The following COLQ variants were observed in gnomAD, a reference collection of about 807,000 sequenced individuals.
The protein encoded by COLQ is acetylcholinesterase collagenic tail peptide.
COLQ carries 48 observed loss-of-function variants against 69.0 expected under a neutral mutation model. That is an observed-to-expected ratio of 0.70 (90% CI 0.55 to 0.88). The LOEUF (loss-of-function observed/expected upper bound fraction) is 0.88. Among genes scored for constraint, COLQ ranks in the 40% least tolerant of loss-of-function variants. The probability of loss-of-function intolerance (pLI) is 0.00; values close to 1 mark genes in which losing one functional copy is unlikely to be tolerated. For synonymous variants in COLQ, 217 were observed against 211.2 expected, an observed-to-expected ratio of 1.03 and a Z score of -0.24; for missense variants, 618 against 594.6, an observed-to-expected ratio of 1.04 and a Z score of -0.41.
chr3:15,490,615 T>G (rs1484818497), intron 1 of COLQ, among the ~76,000 whole-genome samples: 1 of 152,270 alleles, frequency 6.6e-6, no homozygotes, highest in Non-Finnish European at 1.5e-5. Flanking sequence ...AGTGTCCCAC[T>G]GAGTGACTAT....
intron 1 of COLQ, among the ~76,000 whole-genome samples, chr3:15,510,781 T>C (rs1204815509): frequency 6.0e-5 from 1 of 16,638 alleles, no homozygotes; most frequent in East Asian, 2.3e-3. Flanking sequence ...GGGAGGGGAA[T>C]GGAGGGGAGG....
chr3:15,486,251 C>T (rs1442203343), intron 3 of COLQ, among the ~76,000 whole-genome samples: 1 of 152,168 alleles, frequency 6.6e-6, no homozygotes, highest in Non-Finnish European at 1.5e-5. Flanking sequence ...TGCAGATGAC[C>T]CACTCCGTTC....
intron 1 of COLQ, among the ~76,000 whole-genome samples, chr3:15,511,616 C>G (rs2062986016): frequency 6.6e-6 from 1 of 152,206 alleles, no homozygotes; most frequent in South Asian, 2.1e-4. Context: ...TGTTTTCCAC[C>G]ATGATGGTTC....
In COLQ at chr3:15,456,495, A is replaced by G. The variant is rs757815714; in HGVS notation, c.1039T>C (p.Tyr347His). Residue 347 changes from tyrosine (Y) to histidine (H), a missense_variant, in exon 14 of 17, where the codon TAC (tyrosine) becomes CAC (histidine). Tyr to His is a moderately conservative substitution (Grantham distance 83). Transcript: ENST00000383788. ...AGCCAGCCAAGGCTGTCCTTGAAGTACAGAGATCTCTGGTCTCTGCGGAAG... is the reference window on the plus strand; with the variant it reads ...AGCCAGCCAAGGCTGTCCTTGAAGTGCAGAGATCTCTGGTCTCTGCGGAAG... ...IAFRRDQRSL[Y>H]FKDSLGWLPI... The G allele has an allele frequency of 6.2e-6, 10 of 1,614,056 alleles. No individual in the cohort carries two copies. The highest frequency in any genetic ancestry group is 1.7e-5 in the Admixed American group (1 of 60,008).
intron 12 of COLQ, among the ~76,000 whole-genome samples, chr3:15,461,189 T>TCCCCG (rs549486422): frequency 1.4e-5 from 2 of 144,068 alleles, no homozygotes; most frequent in South Asian, 2.2e-4. Context: ...TTGCCTTTAT[T>TCCCCG]CCCCCCCCGA....
chr3:15,516,906 T>C (rs6442531), intron 1 of COLQ, among the ~76,000 whole-genome samples: 62,498 of 151,912 alleles, frequency 0.41, 13,846 homozygotes, highest in East Asian at 0.63. Context: ...CTTTGGGAGG[T>C]CAAGGCCAGC....
chr3:15,488,349 G>A (rs1250505045), intron 2 of COLQ, 42 bp from the exon 3 acceptor site: 1 of 1,557,534 alleles, frequency 6.4e-7, no homozygotes, highest in Non-Finnish European at 8.8e-7. Flanking sequence ...CAGGCGTAGG[G>A]GACAGAGGAA....
chr3:15,476,942 C>G (rs1379833643), intron 6 of COLQ, among the ~76,000 whole-genome samples, 184 bp downstream of exon 6: 1 of 152,262 alleles, frequency 6.6e-6, no homozygotes, highest in Non-Finnish European at 1.5e-5. Context: ...TTGCACTGAT[C>G]AAGGTCTTGC....
At chr3:15,451,886 T>G (rs1050314994) in intron 16 of COLQ, among the ~76,000 whole-genome samples, 173 bp from the exon 17 acceptor site, 1 of 152,186 alleles carries the variant, frequency 6.6e-6, no homozygotes, top group Non-Finnish European at 1.5e-5. Context: ...ATTTTTGCCT[T>G]GAGGTCTAGC....
chr3:15,491,784 G>A (rs1317742138), intron 1 of COLQ, among the ~76,000 whole-genome samples: 1 of 152,236 alleles, frequency 6.6e-6, no homozygotes, highest in South Asian at 2.1e-4. Flanking sequence ...TATGGGCCAG[G>A]CATGGTGGCT....
In COLQ at chr3:15,487,589, G is replaced by A. The variant is rs146573196; in HGVS notation, c.321+617C>T. Among the ~76,000 whole-genome samples the A allele has an allele frequency of 4.1e-4, 63 of 152,336 alleles. 2 individuals carry two copies. The East Asian group carries it at 9.3e-3, about 22-fold the overall frequency. On this transcript the variant is annotated intron_variant, in intron 3 of 16. Coordinates refer to ENST00000383788, the MANE Select transcript of COLQ (RefSeq NM_005677.4). ...ACCCTCTTTCTCCTCCCCATGGAAG[G>A]CTCAGACCCAGCTGTCCCTCACCGA...
chr3:15,477,019 C>G (rs2062390119), intron 6 of COLQ, 107 bp downstream of exon 6: 38 of 1,096,910 alleles, frequency 3.5e-5, no homozygotes, highest in Non-Finnish European at 4.9e-5. Flanking sequence ...CTTCTTCCCC[C>G]TCTTGAAGAA....
chr3:15,461,947 G>A (rs576048502), intron 12 of COLQ, among the ~76,000 whole-genome samples: 4 of 151,864 alleles, frequency 2.6e-5, no homozygotes, highest in Non-Finnish European at 5.9e-5. Flanking sequence ...AATTTGGGGG[G>A]CCTAGTCCAA....
At chr3:15,516,837 A>C (rs1018647732) in intron 1 of COLQ, among the ~76,000 whole-genome samples, 2 of 152,218 alleles carry the variant, frequency 1.3e-5, no homozygotes, top group Admixed American at 6.5e-5. Context: ...CTGAGGAAAA[A>C]GCAGGAGGGA....
intron 1 of COLQ, among the ~76,000 whole-genome samples, chr3:15,500,254 C>T (rs1342200451): frequency 6.6e-6 from 1 of 152,142 alleles, no homozygotes. Flanking sequence ...GGGTCTAAGA[C>T]CTCAGAGAAA....
At chr3:15,462,992 G>T (rs1022231075) in intron 12 of COLQ, among the ~76,000 whole-genome samples, 1 of 152,186 alleles carries the variant, frequency 6.6e-6, no homozygotes, top group Non-Finnish European at 1.5e-5. Context: ...GGCATACTGG[G>T]TGGAAGAGAG....
At chr3:15,452,509 G>A (rs1383862376) in intron 16 of COLQ, among the ~76,000 whole-genome samples, 1 of 152,180 alleles carries the variant, frequency 6.6e-6, no homozygotes, top group East Asian at 1.9e-4. Context: ...AACCTTACAG[G>A]CACAGTCACA....
At chr3:15,515,143 C>G (rs969005311) in intron 1 of COLQ, among the ~76,000 whole-genome samples, 2 of 152,186 alleles carry the variant, frequency 1.3e-5, no homozygotes, top group African/African-American at 4.8e-5. Context: ...AGAGAGATGA[C>G]AGAAACTCCA....
chr3:15,484,802 T>C (rs2062548398), intron 3 of COLQ, among the ~76,000 whole-genome samples: 1 of 152,238 alleles, frequency 6.6e-6, no homozygotes, highest in African/African-American at 2.4e-5. Context: ...CTGTTTATTC[T>C]AGTTAGCCAT....
Sources: allele counts gnomAD v4.1 joint callset (sites outside exome capture counted in the v4.1 genomes callset), GRCh38; gene constraint gnomAD v4.1.1; transcripts MANE v1.5; gene names NCBI Gene and HGNC (gene_info 2026-07-23, HGNC 2026-07-21).